PLA1A: variants seen among roughly 807,000 people sequenced by gnomAD.
PLA1A encodes phosphatidylserine-specific phospholipase A1alpha.
PLA1A carries 47 observed loss-of-function variants against 49.4 expected under a neutral mutation model. The observed-to-expected ratio is 0.95, with a 90% CI of 0.75 to 1.21. The LOEUF (loss-of-function observed/expected upper bound fraction) is 1.21, where lower values mean the gene tolerates loss of function less well. Among genes scored for constraint, PLA1A ranks in the 50% most tolerant of loss-of-function variants. PLA1A has a pLI of 0.00. For synonymous variants in PLA1A, 224 were observed against 207.9 expected, an observed-to-expected ratio of 1.08 and a Z score of -0.67; for missense variants, 561 against 563.9, an observed-to-expected ratio of 0.99 and a Z score of 0.05.
At chr3:119,601,073 G>C (rs1249166051) in intron 1 of PLA1A, among the ~76,000 whole-genome samples, 1 of 152,232 alleles carries the variant, frequency 6.6e-6, no homozygotes, top group Non-Finnish European at 1.5e-5. Flanking sequence ...TGGCTCCTCT[G>C]TCATCTCCAC....
intron 5 of PLA1A, 149 bp from the exon 6 acceptor site, chr3:119,615,861 GAA>G (rs1293958647): frequency 7.0e-6 from 4 of 573,210 alleles, no homozygotes; most frequent in African/African-American, 2.1e-5. Context: ...GAAAAGAAAA[GAA>G]ATCTGTCTGA....
intron 7 of PLA1A, among the ~76,000 whole-genome samples, chr3:119,619,262 T>A (rs980953973): frequency 6.6e-6 from 1 of 152,194 alleles, no homozygotes; most frequent in African/African-American, 2.4e-5. Flanking sequence ...TGAAAACAAC[T>A]ACTATAGGAG....
In PLA1A at chr3:119,625,120, C is replaced by T. The variant is rs2052497945; in HGVS notation, c.1013-4C>T. On this transcript the variant is annotated splice_region_variant and splice_polypyrimidine_tract_variant and intron_variant, in intron 8 of 10. Transcript: ENST00000273371. ...CCAGTCTCTGTTGTGCTTTGGTTTC[C>T]TAGTGCATCACAGCCTCGTGGAGTT... 6.2e-7 allele frequency: 1 copy of T among 1,600,400 alleles called. No individual in the cohort carries two copies. The highest frequency in any genetic ancestry group is 1.3e-5 in the African/African-American group (1 of 74,670).
intron 6 of PLA1A, among the ~76,000 whole-genome samples, chr3:119,616,990 G>C (rs1316881501): frequency 6.6e-6 from 1 of 152,216 alleles, no homozygotes; most frequent in East Asian, 1.9e-4. Flanking sequence ...AACCACAGGG[G>C]AAAGGAAAGT....
chr3:119,605,144 A>G (rs1213574307), intron 1 of PLA1A, among the ~76,000 whole-genome samples: 1 of 152,200 alleles, frequency 6.6e-6, no homozygotes, highest in Admixed American at 6.5e-5. Flanking sequence ...AGGCTGATAA[A>G]ATGATGGAGT....
At chr3:119,614,475 A>G (rs2082816698) in intron 5 of PLA1A, among the ~76,000 whole-genome samples, 1 of 151,964 alleles carries the variant, frequency 6.6e-6, no homozygotes, top group South Asian at 2.1e-4. Flanking sequence ...GCGTGGTGGT[A>G]GGCACCTGTA....
At chr3:119,624,252 C>G (rs557735781) in intron 8 of PLA1A, among the ~76,000 whole-genome samples, 1 of 152,314 alleles carries the variant, frequency 6.6e-6, no homozygotes, top group South Asian at 2.1e-4. Flanking sequence ...ACCGTGTTCA[C>G]ACACAGCAGA....
chr3:119,628,941 T>A, intron 10 of PLA1A, 76 bp downstream of exon 10: 2 of 1,168,740 alleles, frequency 1.7e-6, no homozygotes, highest in South Asian at 2.7e-5. Context: ...ATGTGCTGCC[T>A]ATTGAGGTTC....
In PLA1A at chr3:119,620,636, G is replaced by A. The variant is rs531019569; in HGVS notation, c.1012+984G>A. 2.0e-4 allele frequency among the ~76,000 whole-genome samples: 30 copies of A among 152,322 alleles called. No individual in the cohort carries two copies. In the South Asian group the frequency reaches 6.0e-3, roughly 31 times the overall value. ...TGAGTATAAAATAAAATGGTGCACA[G>A]GAGATCACTAGCACAGGGACTGGAA... On this transcript the variant is annotated intron_variant, in intron 8 of 10. Transcript: ENST00000273371.
chr3:119,604,985 A>G (rs2082666802), intron 1 of PLA1A, among the ~76,000 whole-genome samples: 1 of 152,218 alleles, frequency 6.6e-6, no homozygotes, highest in Non-Finnish European at 1.5e-5. Context: ...TTTGTGACAT[A>G]TTATGCTCAT....
intron 7 of PLA1A, 76 bp downstream of exon 7, chr3:119,618,262 C>T (rs1255262541): frequency 1.7e-6 from 2 of 1,206,900 alleles, no homozygotes; most frequent in East Asian, 4.8e-5. Context: ...CTCTTAATGT[C>T]CTGATGTCCT....
intron 9 of PLA1A, among the ~76,000 whole-genome samples, chr3:119,626,339 G>A (rs1483823964): frequency 6.6e-6 from 1 of 152,208 alleles, no homozygotes; most frequent in Non-Finnish European, 1.5e-5. Flanking sequence ...AGCAAACAGG[G>A]AAATGACCAG....
intron 2 of PLA1A, 159 bp downstream of exon 2, chr3:119,607,134 C>T: frequency 1.6e-6 from 1 of 636,772 alleles, no homozygotes; most frequent in South Asian, 1.9e-5. Context: ...CTCATGTCAA[C>T]ATGCACACAT....
intron 1 of PLA1A, among the ~76,000 whole-genome samples, chr3:119,605,186 T>C (rs574377185): frequency 1.1e-3 from 165 of 152,028 alleles, no homozygotes; most frequent in African/African-American, 3.9e-3. Context: ...GCTGTGGGAG[T>C]TCAAGCCACA....
chr3:119,606,389 C>A (rs2082688511), intron 1 of PLA1A, among the ~76,000 whole-genome samples: 1 of 152,182 alleles, frequency 6.6e-6, no homozygotes, highest in Middle Eastern at 3.2e-3. Flanking sequence ...CTGTTGGCCT[C>A]TTTTTAACCT....
At chr3:119,619,746 G>A (rs2082902825) in intron 8 of PLA1A, 94 bp downstream of exon 8, 2 of 868,582 alleles carry the variant, frequency 2.3e-6, no homozygotes, top group Non-Finnish European at 2.0e-6. Context: ...TGAATGATAA[G>A]AGCAAAGGCA....
At chr3:119,604,971 C>A (rs2107777828) in intron 1 of PLA1A, among the ~76,000 whole-genome samples, 1 of 152,186 alleles carries the variant, frequency 6.6e-6, no homozygotes, top group South Asian at 2.1e-4. Flanking sequence ...TTATTTGGGC[C>A]TGCTTTGTGA....
rs763770482 is a variant in PLA1A, at chr3:119,613,003, G to T, written c.563-14G>T. On this transcript the variant is annotated splice_polypyrimidine_tract_variant and intron_variant, in intron 4 of 10. Transcript: ENST00000273371. ...GAGAGGAAAGAGGTCCCTCATATCAGTCTCTTCTCACAGGCCTGGACCCCG... is the reference window on the plus strand; with the variant it reads ...GAGAGGAAAGAGGTCCCTCATATCATTCTCTTCTCACAGGCCTGGACCCCG... 1.3e-6 allele frequency: 2 copies of T among 1,533,276 alleles called. No homozygotes were observed. The highest frequency in any genetic ancestry group is 2.4e-5 in the South Asian group (2 of 84,346). The allele number at this position is 1,533,276 out of a possible 1,614,324, so 95.0% of individuals were successfully genotyped here.
In PLA1A at chr3:119,613,087, C is replaced by T. The variant is rs771723033; in HGVS notation, c.633C>T (p.Leu211=). Residue 211 remains leucine, a synonymous_variant, in exon 5 of 11, where the codon CTC becomes CTT. Coordinates refer to ENST00000273371, the MANE Select transcript of PLA1A (RefSeq NM_015900.4). ...AGCGCTTGGATGCTGGAGATGCCCT[C>T]TTCGTGGAAGCCATCCACACAGACA... is the stretch of plus-strand genomic sequence containing the variant. ...VEERLDAGDA[L]FVEAIHTDTD... The T allele has an allele frequency of 6.2e-7, 1 of 1,608,890 alleles. No homozygotes were observed. The highest frequency in any genetic ancestry group is 2.2e-5 in the East Asian group (1 of 44,756).
Sources: allele counts gnomAD v4.1 joint callset (sites outside exome capture counted in the v4.1 genomes callset), GRCh38; gene constraint gnomAD v4.1.1; transcripts MANE v1.5; gene names NCBI Gene and HGNC (gene_info 2026-07-23, HGNC 2026-07-21).